INSR: variants seen among roughly 807,000 people sequenced by gnomAD.
The protein encoded by INSR is IR.
A neutral mutation model predicts 142.6 loss-of-function variants in INSR; 67 were observed. The observed-to-expected ratio is 0.47, with a 90% confidence interval of 0.39 to 0.58. The LOEUF is 0.58. Among genes scored for constraint, INSR ranks in the 20% least tolerant of loss-of-function variants. The pLI is 0.00. For missense variants in INSR, 1,248 were observed against 1,833.2 expected (o/e 0.68, Z 5.83); for synonymous variants, 756 against 743.1 (o/e 1.02, Z -0.28).
intron 1 of INSR, among the ~76,000 whole-genome samples, chr19:7,284,820 A>C (rs1179950031): frequency 6.6e-6 from 1 of 152,092 alleles, no homozygotes; most frequent in East Asian, 1.9e-4. Context: ...GCGCCTGCTC[A>C]AAAAGGACTA....
rs1336176642 is a variant in INSR at position 7,166,978 on chromosome 19, T to G, written c.1611-574A>C. ...TTGGGACCAGAAGTGTTTTGGATTTTGGATATTTTGGGGTTTTGAAATATT... is the reference window on the plus strand; with the variant it reads ...TTGGGACCAGAAGTGTTTTGGATTTGGGATATTTTGGGGTTTTGAAATATT... On this transcript the variant is annotated intron_variant, in intron 7 of 21. Coordinates refer to ENST00000302850, the MANE Select transcript of INSR (RefSeq NM_000208.4). This position sits in a 1 kb window ranked among gnomAD's most constrained non-coding sequence, Gnocchi z 4.1. Among the ~76,000 whole-genome samples the G allele has an allele frequency of 6.6e-6, 1 of 152,152 alleles. No homozygotes were observed. Among genetic ancestry groups the G allele is most frequent in the Admixed American group, 6.6e-5 (1 of 15,248 alleles).
At chr19:7,157,881 C>G (rs1973638319) in intron 9 of INSR, among the ~76,000 whole-genome samples, 1 of 151,534 alleles carries the variant, frequency 6.6e-6, no homozygotes, top group Non-Finnish European at 1.5e-5. Context: ...CTCGGAAACC[C>G]AAGTATTTAC....
chr19:7,118,220 T>A (rs913192432), intron 21 of INSR, among the ~76,000 whole-genome samples: 2 of 151,832 alleles, frequency 1.3e-5, no homozygotes, highest in Admixed American at 1.3e-4. Context: ...CCAGCCTGGG[T>A]GACACAGCGA....
chr19:7,242,247 TAGCCCC>T (rs1194876569), intron 2 of INSR, among the ~76,000 whole-genome samples: 1 of 151,904 alleles, frequency 6.6e-6, no homozygotes, highest in Non-Finnish European at 1.5e-5. Flanking sequence ...TGTGTTCCTG[TAGCCCC>T]AGCTACTTGG....
In INSR at chr19:7,267,022, C is replaced by T. The variant is rs1387359445; in HGVS notation, c.652+323G>A. On this transcript the variant is annotated intron_variant, in intron 2 of 21. Coordinates refer to ENST00000302850, the MANE Select transcript of INSR (RefSeq NM_000208.4). The surrounding 1 kb of genome is among the most constrained non-coding windows in gnomAD (Gnocchi z 6.3). ...CAAACTGCTGCCCTCGAGCAAAATCCGGCCCACGACTTGTTTTTGTAAATA... is the reference window on the plus strand; with the variant it reads ...CAAACTGCTGCCCTCGAGCAAAATCTGGCCCACGACTTGTTTTTGTAAATA... Among the ~76,000 whole-genome samples the T allele has an allele frequency of 1.3e-5, 2 of 152,064 alleles. No individual in the cohort carries two copies. The highest frequency in any genetic ancestry group is 2.9e-5 in the Non-Finnish European group (2 of 68,014).
At chr19:7,154,427 T>A (rs1393192974) in intron 9 of INSR, among the ~76,000 whole-genome samples, 1 of 146,774 alleles carries the variant, frequency 6.8e-6, no homozygotes, top group Admixed American at 6.8e-5. Context: ...CTCAGCCTCC[T>A]GAGTAGCTGG....
At chr19:7,201,207 T>TTG (rs1974943585) in intron 2 of INSR, among the ~76,000 whole-genome samples, 2 of 152,110 alleles carry the variant, frequency 1.3e-5, no homozygotes. Context: ...GCATACCCAT[T>TTG]CTCTGGGGCA....
In INSR at chr19:7,125,386, G is replaced by A. The variant is rs1288021639; in HGVS notation, c.3155C>T (p.Thr1052Ile). ...ARDIIKGEAE[T>I]RVAVKTVNES... ...GTTGACCGTCTTCACCGCCACGCGG[G>A]TCTCTGCCTCACCCTTGATGATGTC... The change falls in exon 17 of 22, where the codon ACC becomes ATC. Residue 1052 changes from threonine to isoleucine, a missense_variant. By Grantham distance (89) the Thr-to-Ile change is moderately conservative. Coordinates refer to ENST00000302850, the MANE Select transcript of INSR (RefSeq NM_000208.4). This position sits in a 1 kb window ranked among gnomAD's most constrained non-coding sequence, Gnocchi z 4.9. 5.0e-6 allele frequency: 8 copies of A among 1,614,034 alleles called. No individual in the cohort carries two copies. In the Admixed American group the frequency reaches 8.3e-5, roughly 17 times the overall value.
chr19:7,122,150 GAA>G (rs796128083), intron 19 of INSR, among the ~76,000 whole-genome samples: 2 of 76,736 alleles, frequency 2.6e-5, no homozygotes, highest in Non-Finnish European at 5.4e-5. Context: ...TCAGAAAAAA[GAA>G]AAAAAAAAAA....
intron 2 of INSR, among the ~76,000 whole-genome samples, chr19:7,205,025 G>A (rs945889047): frequency 1.3e-5 from 2 of 152,124 alleles, no homozygotes; most frequent in South Asian, 2.1e-4. Flanking sequence ...CAGAGGTTGC[G>A]GTGAGCCGAG....
At chr19:7,244,534 A>AAAAAAAAAAG (rs1280505296) in intron 2 of INSR, among the ~76,000 whole-genome samples, 2 of 152,136 alleles carry the variant, frequency 1.3e-5, no homozygotes, top group African/African-American at 2.4e-5. Flanking sequence ...CTCTGTCTCA[A>AAAAAAAAAAG]AAAGAAAAAA....
chr19:7,140,054 C>T (rs1973031089), intron 13 of INSR, among the ~76,000 whole-genome samples: 4 of 152,174 alleles, frequency 2.6e-5, no homozygotes, highest in Admixed American at 2.6e-4. Flanking sequence ...TCTTGAACTC[C>T]TGACCTCAAC....
At chr19:7,255,680 C>A (rs112483552) in intron 2 of INSR, among the ~76,000 whole-genome samples, 1 of 151,850 alleles carries the variant, frequency 6.6e-6, no homozygotes, top group East Asian at 1.9e-4. Flanking sequence ...CAGGCTCAAG[C>A]GATCCTCCCA....
chr19:7,134,488 C>T (rs189410240), intron 13 of INSR, among the ~76,000 whole-genome samples: 26 of 151,940 alleles, frequency 1.7e-4, no homozygotes, highest in East Asian at 5.8e-4. Flanking sequence ...AGTTGAAGCC[C>T]GGGCACGGTG....
intron 2 of INSR, among the ~76,000 whole-genome samples, chr19:7,247,165 G>A (rs768255844): frequency 1.6e-4 from 24 of 152,158 alleles, no homozygotes; most frequent in Non-Finnish European, 2.6e-4. Context: ...TTCATGTGTT[G>A]ACTGAGACAC....
At chr19:7,233,519 C>A (rs868757183) in intron 2 of INSR, among the ~76,000 whole-genome samples, 19 of 152,016 alleles carry the variant, frequency 1.2e-4, no homozygotes, top group South Asian at 4.1e-4. Flanking sequence ...GTGCTGGGAA[C>A]CACCCTATCA....
Position 7,143,036 on chromosome 19 carries a change from C to T in INSR, c.2322G>A (p.Val774=), listed in dbSNP as rs769103150. The T allele has an allele frequency of 1.9e-5, 31 of 1,614,110 alleles. No homozygotes were observed. The highest frequency in any genetic ancestry group is 2.5e-5 in the Non-Finnish European group (30 of 1,180,056). ...TGTTGGGGAAAGCTGCCACCGTGGG[C>T]ACGGCCACCGTCACATTCCCAACAT... The part of the protein sequence containing the change: ...LGDVGNVTVA[V]PTVAAFPNTS... Residue 774 remains valine, a synonymous_variant, in exon 12 of 22, where the codon GTG becomes GTA. Coordinates refer to ENST00000302850, the MANE Select transcript of INSR (RefSeq NM_000208.4).
At position 7,253,260 on chromosome 19, in the gene INSR, C is replaced by T. The variant is rs765846828; in HGVS notation, c.652+14085G>A. Among the ~76,000 whole-genome samples the T allele has an allele frequency of 9.2e-5, 14 of 151,550 alleles. No homozygotes were observed. In the South Asian group the frequency reaches 1.3e-3, roughly 14 times the overall value. On this transcript the variant is annotated intron_variant, in intron 2 of 21. Coordinates refer to ENST00000302850, the MANE Select transcript of INSR (RefSeq NM_000208.4). ...TATTTATTTATTTAATTATTTGATACGAGGTTTTGCTTTTGTCACCCAGGC... is the reference window on the plus strand; with the variant it reads ...TATTTATTTATTTAATTATTTGATATGAGGTTTTGCTTTTGTCACCCAGGC...
At chr19:7,123,384 G>C (rs1452437025) in intron 17 of INSR, among the ~76,000 whole-genome samples, 1 of 151,658 alleles carries the variant, frequency 6.6e-6, no homozygotes, top group African/African-American at 2.4e-5. Context: ...GGTCAGGCTG[G>C]TCTTGAACTC....
Sources: gnomAD v4.1 joint callset for allele counts (sites outside exome capture counted in the v4.1 genomes callset) on GRCh38, gnomAD v4.1.1 for gene constraint, Gnocchi (gnomAD v3.1) non-coding constraint, MANE v1.5 for transcripts, NCBI Gene and HGNC (gene_info 2026-07-23, HGNC 2026-07-21) for gene names.